PPP4R1: variants seen among roughly 807,000 people sequenced by gnomAD.
PPP4R1 encodes the protein protein phosphatase 4 regulatory subunit 1.
PPP4R1 carries 42 observed loss-of-function variants against 111.2 expected under a neutral mutation model. The observed-to-expected ratio is 0.38, with a 90% CI of 0.29 to 0.49. The LOEUF (loss-of-function observed/expected upper bound fraction) is 0.49, where lower values mean the gene tolerates loss of function less well. Among genes scored for constraint, PPP4R1 ranks in the 20% least tolerant of loss-of-function variants. The pLI is 0.97. For synonymous variants in PPP4R1, 409 were observed against 405.5 expected (o/e 1.01, Z -0.10); for missense variants, 1,012 against 1,161.6 (o/e 0.87, Z 1.87).
At chr18:9,615,129 G>T (rs896718833), upstream of PPP4R1, 1 of 152,342 alleles carries the variant, frequency 6.6e-6, no homozygotes, top group Non-Finnish European at 1.5e-5. Flanking sequence ...TCGCCAAGTG[G>T]CTGCTAACAA....
chr18:9,582,075 C>T (rs763592272), intron 9 of PPP4R1, among the ~76,000 whole-genome samples: 8 of 151,980 alleles, frequency 5.3e-5, no homozygotes, highest in Non-Finnish European at 7.4e-5. Flanking sequence ...CCATTTACCC[C>T]AGATGATAAT....
At position 9,564,699 on chromosome 18, in the gene PPP4R1, T is replaced by G. The variant is rs865818770; in HGVS notation, c.1574-1149A>C. Among the ~76,000 whole-genome samples the G allele has an allele frequency of 4.4e-3, 206 of 46,506 alleles. 1 individual carries two copies. The highest frequency in any genetic ancestry group is 0.016 in the African/African-American group (197 of 12,632). 30.5% of individuals were successfully genotyped at this position (46,506 alleles called of 152,430 possible). On this transcript the variant is annotated intron_variant, in intron 11 of 19. Coordinates refer to ENST00000400556, the MANE Select transcript of PPP4R1 (RefSeq NM_001042388.3). ...GTTTTGTCCCATATAAAGTGCATGG[T>G]GTGTGTGTGTGTGTGTGTGTGTGTG...
At chr18:9,572,647 G>A (rs917996901) in intron 10 of PPP4R1, among the ~76,000 whole-genome samples, 4 of 152,190 alleles carry the variant, frequency 2.6e-5, no homozygotes. Context: ...AAAGGAGGGT[G>A]ATGTTAATGC....
intron 2 of PPP4R1, among the ~76,000 whole-genome samples, chr18:9,605,940 T>C (rs950295788): frequency 1.3e-5 from 2 of 152,236 alleles, no homozygotes; most frequent in African/African-American, 4.8e-5. Flanking sequence ...TGTGTGTGTG[T>C]ACATAACTGT....
Position 9,547,640 on chromosome 18 carries a change from TTGGG to T in PPP4R1, c.*145_*148del. 1.2e-6 allele frequency: 1 copy of T among 821,772 alleles called. No homozygotes were observed. The highest frequency in any genetic ancestry group is 1.9e-6 in the Non-Finnish European group (1 of 516,866). 50.9% of individuals were successfully genotyped at this position (821,772 alleles called of 1,614,324 possible). A position where few individuals can be genotyped will look rare whatever the true frequency, so the allele number is the denominator to read the frequency against. On this transcript the variant is annotated 3_prime_UTR_variant, in exon 20 of 20. Transcript: ENST00000400556. The stretch of plus-strand genomic sequence containing the variant: ...CTCTTGACTCTTGAAATCCCTGGTA[TTGGG>T]TGTAGGCAACTTGCACCTGCAATGA...
At position 9,588,189 on chromosome 18, in the gene PPP4R1, T is replaced by C; in HGVS notation, c.485A>G (p.Glu162Gly). The C allele has an allele frequency of 6.2e-7, 1 of 1,614,176 alleles. No homozygotes were observed. Among genetic ancestry groups the C allele is most frequent in the South Asian group, 1.1e-5 (1 of 91,080 alleles). ...QAALLALLEQELIERFDVETK... is the reference protein window; with the variant it reads ...QAALLALLEQGLIERFDVETK... The stretch of plus-strand genomic sequence containing the variant: ...CTCCACATCAAATCGTTCAATGAGC[T>C]CCTGCTCCAACAGAGCCAGCAAAGC... The change falls in exon 6 of 20, where the codon GAG becomes GGG. Residue 162 changes from glutamate to glycine, a missense_variant. This residue lies in a region of PPP4R1 where 707 missense variants were observed against 742.1 expected (regional missense o/e 0.95). Transcript: ENST00000400556.
At chr18:9,549,116 G>A in intron 19 of PPP4R1, 81 bp downstream of exon 19, 9 of 1,499,044 alleles carry the variant, frequency 6.0e-6, no homozygotes, top group East Asian at 2.3e-5. Flanking sequence ...CAATACTTCT[G>A]CTTTGATATC....
At chr18:9,557,552 CAG>C (rs907715374) in intron 14 of PPP4R1, among the ~76,000 whole-genome samples, 170 bp from the exon 15 acceptor site, 3 of 152,160 alleles carry the variant, frequency 2.0e-5, no homozygotes, top group Admixed American at 6.6e-5. Flanking sequence ...AAAAGTGTAA[CAG>C]AAACATTTTA....
chr18:9,563,560 A>G lies in PPP4R1; in HGVS notation c.1574-10T>C, dbSNP rs763653096. The G allele has an allele frequency of 4.5e-6, 7 of 1,566,508 alleles. No individual in the cohort carries two copies. Among genetic ancestry groups the G allele is most frequent in the Non-Finnish European group, 4.3e-6 (5 of 1,150,862 alleles). ...AGCACTTCCACTTGTGCTACAGGCA[A>G]AATAAGGAAATGGACAAAGTGAGAA... On this transcript the variant is annotated splice_polypyrimidine_tract_variant and intron_variant, in intron 11 of 19. Transcript: ENST00000400556.
chr18:9,558,180 C>T (rs2066616996), intron 14 of PPP4R1, among the ~76,000 whole-genome samples: 1 of 152,070 alleles, frequency 6.6e-6, no homozygotes, highest in Admixed American at 6.5e-5. Flanking sequence ...ACTGTATTTC[C>T]TTTCCCTTCC....
intron 6 of PPP4R1, 50 bp downstream of exon 6, chr18:9,588,039 C>T: frequency 3.7e-6 from 6 of 1,607,912 alleles, no homozygotes; most frequent in East Asian, 2.2e-5. Flanking sequence ...TTAATAAGCA[C>T]CTCTTATCAG....
chr18:9,608,036 G>A (rs1304472205), intron 2 of PPP4R1, among the ~76,000 whole-genome samples: 1 of 143,874 alleles, frequency 7.0e-6, no homozygotes, highest in Non-Finnish European at 1.5e-5. Flanking sequence ...CACCCGCCTC[G>A]TTCTCCCAAA....
At chr18:9,584,450 A>G in intron 8 of PPP4R1, 65 bp downstream of exon 8, 3 of 1,385,008 alleles carry the variant, frequency 2.2e-6, no homozygotes, top group Non-Finnish European at 9.8e-7. Flanking sequence ...AAATGTGTGC[A>G]TTTCAAACTT....
intron 2 of PPP4R1, among the ~76,000 whole-genome samples, chr18:9,604,782 T>C (rs555617689): frequency 1.6e-3 from 251 of 152,272 alleles, no homozygotes; most frequent in African/African-American, 5.7e-3. Flanking sequence ...ATAAATTCCC[T>C]AAAGATTGTC....
At chr18:9,566,957 A>G (rs1477483227) in intron 11 of PPP4R1, among the ~76,000 whole-genome samples, 1 of 152,232 alleles carries the variant, frequency 6.6e-6, no homozygotes, top group Non-Finnish European at 1.5e-5. Context: ...TGTTGTTTTC[A>G]TACCTGCTAA....
At chr18:9,572,977 C>T (rs1421309914) in intron 10 of PPP4R1, among the ~76,000 whole-genome samples, 1 of 152,132 alleles carries the variant, frequency 6.6e-6, no homozygotes, top group Non-Finnish European at 1.5e-5. Context: ...AATTCTGAAC[C>T]TTTTAAGGAC....
At chr18:9,601,620 G>A (rs1424207026) in intron 2 of PPP4R1, among the ~76,000 whole-genome samples, 1 of 152,112 alleles carries the variant, frequency 6.6e-6, no homozygotes, top group Non-Finnish European at 1.5e-5. Context: ...AGCCTCTTGA[G>A]CAGCTGGAAT....
At chr18:9,586,891 T>C (rs2067125694) in intron 6 of PPP4R1, among the ~76,000 whole-genome samples, 1 of 152,200 alleles carries the variant, frequency 6.6e-6, no homozygotes, top group South Asian at 2.1e-4. Context: ...TATCATGGCC[T>C]TCAAGTAATC....
chr18:9,598,326 C>T (rs1327810002), intron 2 of PPP4R1, among the ~76,000 whole-genome samples: 1 of 151,984 alleles, frequency 6.6e-6, no homozygotes, highest in East Asian at 1.9e-4. Context: ...TCAAGGGGTT[C>T]AATGAAACCC....
Sources: gnomAD v4.1 joint callset for allele counts (sites outside exome capture counted in the v4.1 genomes callset) on GRCh38, gnomAD v4.1.1 for gene constraint, gnomAD v4.1.1 regional missense constraint, MANE v1.5 for transcripts, NCBI Gene and HGNC (gene_info 2026-07-23, HGNC 2026-07-21) for gene names.